Variants in BCAS3 observed in about 807,000 individuals in gnomAD.
BCAS3 encodes the protein BCAS3 microtubule associated cell migration factor, also known as BCAS4/BCAS3 fusion.
In BCAS3, 53 loss-of-function variants were observed where a neutral mutation model predicts 116.1. That is an observed-to-expected ratio of 0.46 (90% CI 0.37 to 0.57). BCAS3 has a LOEUF of 0.57. Ranked by LOEUF, BCAS3 falls within the 20% of genes least tolerant of loss-of-function variation. The pLI, the probability that BCAS3 is intolerant of heterozygous loss-of-function variation, is 0.00. For missense variants in BCAS3, 917 were observed against 1,165.4 expected (o/e 0.79, Z 3.10); for synonymous variants, 391 against 408.2 (o/e 0.96, Z 0.51).
At chr17:61,270,082 G>A (rs2050109209) in intron 22 of BCAS3, among the ~76,000 whole-genome samples, 2 of 149,756 alleles carry the variant, frequency 1.3e-5, no homozygotes, top group South Asian at 2.1e-4. Flanking sequence ...TGGGATTACA[G>A]GAGTGAGCCA....
intron 5 of BCAS3, among the ~76,000 whole-genome samples, chr17:60,734,419 T>C (rs2040765770): frequency 6.6e-6 from 1 of 152,206 alleles, no homozygotes; most frequent in Admixed American, 6.5e-5. Flanking sequence ...TGTGAACCAC[T>C]GTGCCCAGAC....
chr17:61,111,586 T>C (rs1231039332), intron 22 of BCAS3, among the ~76,000 whole-genome samples: 1 of 150,002 alleles, frequency 6.7e-6, no homozygotes, highest in African/African-American at 2.4e-5. Context: ...TGGGACTATG[T>C]GAAAAGACCA....
rs868489908 is a variant in BCAS3 at position 61,140,917 on chromosome 17, T to C, written c.2425+56353T>C. ...ATGTTAAGTAAGGAAAAAGCATGCC[T>C]CCCTGTGCTCTTTGTCCATTTGAGT... On this transcript the variant is annotated intron_variant, in intron 22 of 23. Transcript: ENST00000407086. The surrounding 1 kb of genome is among the most constrained non-coding windows in gnomAD (Gnocchi z 4.2). 2.0e-5 allele frequency among the ~76,000 whole-genome samples: 3 copies of C among 152,072 alleles called. No individual in the cohort carries two copies. Among genetic ancestry groups the C allele is most frequent in the South Asian group, 2.1e-4 (1 of 4,812 alleles).
rs71150604 is a variant in BCAS3 at position 61,322,854 on chromosome 17, GAC to G, written c.2426-45471_2426-45470del. The stretch of plus-strand genomic sequence containing the variant: ...ACAGAGAGAGAGAGAGAGAGAGAGA[GAC>G]AGAGAGAGAGAGAGAGAGAGAGAGG... On this transcript the variant is annotated intron_variant, in intron 22 of 23. Coordinates refer to ENST00000407086, the MANE Select transcript of BCAS3 (RefSeq NM_017679.5). Among the ~76,000 whole-genome samples, 413 of 138,560 alleles carry G rather than the reference GAC, an allele frequency of 3.0e-3. 3 individuals carry two copies. Among genetic ancestry groups the G allele is most frequent in the East Asian group, 2.8e-3 (13 of 4,586 alleles). The allele number at this position is 138,560 out of a possible 152,430, so 90.9% of individuals were successfully genotyped here. A position where few individuals can be genotyped will look rare whatever the true frequency, so the allele number is the denominator to read the frequency against.
intron 14 of BCAS3, among the ~76,000 whole-genome samples, chr17:60,984,576 A>G (rs186234447): frequency 2.0e-5 from 3 of 152,178 alleles, no homozygotes; most frequent in African/African-American, 7.2e-5. Flanking sequence ...TAATAATCAC[A>G]TCAGGGTAAT....
chr17:60,824,953 C>T (rs977773132), intron 7 of BCAS3, among the ~76,000 whole-genome samples: 1 of 152,084 alleles, frequency 6.6e-6, no homozygotes, highest in African/African-American at 2.4e-5. Flanking sequence ...ATCGCTTGAG[C>T]CCAGGAGTTC....
chr17:60,774,214 T>G (rs1336971998), intron 6 of BCAS3, among the ~76,000 whole-genome samples: 1 of 151,914 alleles, frequency 6.6e-6, no homozygotes, highest in Non-Finnish European at 1.5e-5. Flanking sequence ...TTTCTTCATG[T>G]TTTTTTTCTG....
intron 22 of BCAS3, among the ~76,000 whole-genome samples, chr17:61,360,358 A>G (rs1256502992): frequency 6.6e-6 from 1 of 152,202 alleles, no homozygotes; most frequent in Non-Finnish European, 1.5e-5. Flanking sequence ...TGCTCACAAC[A>G]GCTCTGGAAG....
chr17:61,108,647 G>T (rs2074839257), intron 22 of BCAS3, among the ~76,000 whole-genome samples: 2 of 148,142 alleles, frequency 1.4e-5, no homozygotes, highest in East Asian at 2.0e-4. Flanking sequence ...GGGAACAGGT[G>T]GTGTTTGGTT....
Position 61,392,219 on chromosome 17 carries a change from C to T in BCAS3, c.*94C>T. 4 of 1,404,026 alleles carry T rather than the reference C, an allele frequency of 2.8e-6. No homozygotes were observed. The highest frequency in any genetic ancestry group is 3.9e-6 in the Non-Finnish European group (4 of 1,034,480). 87.0% of individuals were successfully genotyped at this position (1,404,026 alleles called of 1,614,324 possible). A position where few individuals can be genotyped will look rare whatever the true frequency, so the allele number is the denominator to read the frequency against. ...GTCCTACCCTTCAGTCTCTGCTCTT[C>T]CTTCATCAACCACCTTCCCCAAGCT... On this transcript the variant is annotated 3_prime_UTR_variant, in exon 24 of 24. Coordinates refer to ENST00000407086, the MANE Select transcript of BCAS3 (RefSeq NM_017679.5). This position sits in a 1 kb window ranked among gnomAD's most constrained non-coding sequence, Gnocchi z 6.4.
intron 14 of BCAS3, among the ~76,000 whole-genome samples, chr17:60,969,085 C>G (rs1322905179): frequency 6.6e-6 from 1 of 152,090 alleles, no homozygotes; most frequent in Non-Finnish European, 1.5e-5. Context: ...TTACCATTCA[C>G]TCTGAGGTTT....
chr17:61,162,586 G>A lies in BCAS3; in HGVS notation c.2425+78022G>A, dbSNP rs971913585. On this transcript the variant is annotated intron_variant, in intron 22 of 23. Coordinates refer to ENST00000407086, the MANE Select transcript of BCAS3 (RefSeq NM_017679.5). The surrounding 1 kb of genome is among the most constrained non-coding windows in gnomAD (Gnocchi z 5.6). ...ATAAGCCTTATTGGTATGGTTCACT[G>A]ATTTTTTTGGACTCTGCATTTATTT... Among the ~76,000 whole-genome samples the A allele has an allele frequency of 4.6e-5, 7 of 152,166 alleles. 1 individual carries two copies. Among genetic ancestry groups the A allele is most frequent in the African/African-American group, 1.7e-4 (7 of 41,442 alleles).
At chr17:61,048,481 G>A (rs1228175633) in intron 19 of BCAS3, among the ~76,000 whole-genome samples, 1 of 152,026 alleles carries the variant, frequency 6.6e-6, no homozygotes, top group African/African-American at 2.4e-5. Context: ...CAGTTGAGGA[G>A]ACAGAGCTGA....
chr17:61,195,195 A>G (rs1435666280), intron 22 of BCAS3, among the ~76,000 whole-genome samples: 1 of 152,248 alleles, frequency 6.6e-6, no homozygotes, highest in East Asian at 1.9e-4. Flanking sequence ...GCTTATGCCC[A>G]GAAGGACTGG....
chr17:61,311,094 T>C (rs2054270791), intron 22 of BCAS3, among the ~76,000 whole-genome samples: 1 of 152,234 alleles, frequency 6.6e-6, no homozygotes, highest in African/African-American at 2.4e-5. Flanking sequence ...TGTGGAACAC[T>C]TAAAATACTG....
intron 22 of BCAS3, among the ~76,000 whole-genome samples, chr17:61,090,599 A>G (rs781741826): frequency 8.5e-5 from 13 of 152,212 alleles, no homozygotes; most frequent in Non-Finnish European, 1.9e-4. Context: ...CCCATAAGGA[A>G]AATGCTCAGC....
intron 14 of BCAS3, among the ~76,000 whole-genome samples, chr17:60,950,157 T>G (rs977724182): frequency 6.6e-6 from 1 of 152,016 alleles, no homozygotes; most frequent in Non-Finnish European, 1.5e-5. Flanking sequence ...ATAGATAATA[T>G]TAGGTATTCA....
chr17:60,990,634 G>C lies in BCAS3; in HGVS notation c.1486+399G>C, dbSNP rs2063467171. Among the ~76,000 whole-genome samples, 1 of 151,508 alleles carries C rather than the reference G, an allele frequency of 6.6e-6. No homozygotes were observed. The highest frequency in any genetic ancestry group is 1.5e-5 in the Non-Finnish European group (1 of 67,900). On this transcript the variant is annotated intron_variant, in intron 15 of 23. Coordinates refer to ENST00000407086, the MANE Select transcript of BCAS3 (RefSeq NM_017679.5). This position sits in a 1 kb window ranked among gnomAD's most constrained non-coding sequence, Gnocchi z 5.1. ...ATAGTCATGGGTAATGTGTATTTTA[G>C]ATAGAGCAGCATTTGCTTTTTTTTT...
intron 6 of BCAS3, among the ~76,000 whole-genome samples, chr17:60,773,792 C>T (rs1167940132): frequency 2.0e-5 from 3 of 152,018 alleles, no homozygotes; most frequent in Non-Finnish European, 2.9e-5. Context: ...GGACCACAGG[C>T]GCACGCCACC....
Sources: allele counts gnomAD v4.1 joint callset (sites outside exome capture counted in the v4.1 genomes callset), GRCh38; gene constraint gnomAD v4.1.1; non-coding constraint Gnocchi (gnomAD v3.1); transcripts MANE v1.5; gene names NCBI Gene and HGNC (gene_info 2026-07-23, HGNC 2026-07-21).